Variants in LNPEP observed in about 807,000 individuals in gnomAD.
LNPEP encodes the protein leucyl and cystinyl aminopeptidase.
A neutral mutation model predicts 120.6 loss-of-function variants in LNPEP; 64 were observed. That is an observed-to-expected ratio of 0.53 (90% CI 0.43 to 0.65). The LOEUF is 0.65. LNPEP is among the 30% of genes least tolerant of loss of function. LNPEP has a pLI of 0.00. For missense variants in LNPEP, 1,057 were observed against 1,200.0 expected, an observed-to-expected ratio of 0.88 and a Z score of 1.76; for synonymous variants, 435 against 425.4, an observed-to-expected ratio of 1.02 and a Z score of -0.28.
At chr5:96,945,814 T>G (rs1260033626) in intron 1 of LNPEP, among the ~76,000 whole-genome samples, 3 of 152,208 alleles carry the variant, frequency 2.0e-5, no homozygotes, top group Non-Finnish European at 4.4e-5. Context: ...TAGAATTTTA[T>G]TTTTGGTTTA....
intron 1 of LNPEP, among the ~76,000 whole-genome samples, chr5:96,974,621 T>A (rs997051212): frequency 2.0e-5 from 3 of 152,174 alleles, no homozygotes; most frequent in Non-Finnish European, 2.9e-5. Flanking sequence ...TTTTCCTTGA[T>A]AAACTACTAC....
Position 97,006,453 on chromosome 5 carries a change from A to G in LNPEP, c.1973A>G (p.Tyr658Cys), listed in dbSNP as rs753635045. The change falls in exon 11 of 18, where the codon TAT becomes TGT. Residue 658 changes from tyrosine (Y) to cysteine (C), a missense_variant. Coordinates refer to ENST00000231368, the MANE Select transcript of LNPEP (RefSeq NM_005575.3). ...TACCTGTGGCATATTCCACTATCCT[A>G]TGTCACTGAAGGAAGAAATTATTCA... The part of the protein sequence containing the change: ...TSYLWHIPLS[Y>C]VTEGRNYSKY... 51 of 1,582,850 alleles carry G rather than the reference A, an allele frequency of 3.2e-5. No individual in the cohort carries two copies. Among genetic ancestry groups the G allele is most frequent in the Non-Finnish European group, 4.3e-5 (49 of 1,152,288 alleles).
chr5:96,965,431 T>C (rs1271156278), intron 1 of LNPEP, among the ~76,000 whole-genome samples: 1 of 152,148 alleles, frequency 6.6e-6, no homozygotes, highest in African/African-American at 2.4e-5. Flanking sequence ...TATTAGGTTT[T>C]TCTTGCGCAT....
chr5:97,030,843 T>C lies in LNPEP; in HGVS notation c.*2310T>C, dbSNP rs1791456094. The C allele has an allele frequency of 6.6e-6, 1 of 152,064 alleles. No individual in the cohort carries two copies. The highest frequency in any genetic ancestry group is 2.4e-5 in the African/African-American group (1 of 41,390). 9.4% of individuals were successfully genotyped at this position (152,064 alleles called of 1,614,324 possible). ...TGCCCTTACCTTAATTATTTGTAGT[T>C]TTAGTAGGCCTTGCCTCAGTTTTTC... On this transcript the variant is annotated 3_prime_UTR_variant, in exon 18 of 18. Coordinates refer to ENST00000231368, the MANE Select transcript of LNPEP (RefSeq NM_005575.3).
chr5:96,992,028 GA>G (rs869106045), intron 4 of LNPEP, among the ~76,000 whole-genome samples: 11 of 111,358 alleles, frequency 9.9e-5, no homozygotes, highest in Admixed American at 6.1e-4. Context: ...AAATCAATTA[GA>G]AAAAAATAAA....
At chr5:97,013,956 T>C (rs1012922678) in intron 12 of LNPEP, 125 bp downstream of exon 12, 5 of 614,942 alleles carry the variant, frequency 8.1e-6, no homozygotes, top group Admixed American at 3.2e-5. Flanking sequence ...TTTTGGAGGA[T>C]TGGGAAAATA....
chr5:96,954,772 A>ATATTTTT (rs1275200137), intron 1 of LNPEP, among the ~76,000 whole-genome samples: 6 of 27,106 alleles, frequency 2.2e-4, no homozygotes, highest in African/African-American at 3.0e-4. Context: ...ATATATATAT[A>ATATTTTT]TTTTTTTTTT....
At chr5:96,956,890 CT>C (rs1223617110) in intron 1 of LNPEP, among the ~76,000 whole-genome samples, 3 of 152,006 alleles carry the variant, frequency 2.0e-5, no homozygotes, top group Non-Finnish European at 4.4e-5. Context: ...AGTTCACTGA[CT>C]TTTTTTTCTT....
intron 13 of LNPEP, among the ~76,000 whole-genome samples, chr5:97,019,659 G>A (rs1791144719): frequency 6.6e-6 from 1 of 152,094 alleles, no homozygotes; most frequent in South Asian, 2.1e-4. Flanking sequence ...GACTTCAAGT[G>A]CCATTCTTTC....
At chr5:96,959,933 C>CTTTTTTTTTTTTTTTTTTTTTTT (rs11316262) in intron 1 of LNPEP, among the ~76,000 whole-genome samples, 1 of 113,202 alleles carries the variant, frequency 8.8e-6, no homozygotes, top group Non-Finnish European at 1.8e-5. Context: ...TAAAATTTAT[C>CTTTTTTTTTTTTTTTTTTTTTTT]TTTTTTTTTT....
intron 1 of LNPEP, among the ~76,000 whole-genome samples, chr5:96,968,937 G>A (rs1428677198): frequency 1.3e-5 from 2 of 152,072 alleles, no homozygotes; most frequent in African/African-American, 4.8e-5. Flanking sequence ...AATTTAGTTT[G>A]TTTATATACA....
rs186081444 is a variant in LNPEP at position 97,028,590 on chromosome 5, C to T, written c.*57C>T. 2.3e-4 allele frequency: 364 copies of T among 1,587,738 alleles called. 4 individuals are homozygous for T. In the African/African-American group the frequency reaches 3.7e-3, roughly 16 times the overall value. On this transcript the variant is annotated 3_prime_UTR_variant, in exon 18 of 18. Coordinates refer to ENST00000231368, the MANE Select transcript of LNPEP (RefSeq NM_005575.3). ...TTCAGAGAGCTTGTAAGCTTGGGCT[C>T]TGCCGCTTTTGCAAAAGCCAAGGTA...
intron 1 of LNPEP, among the ~76,000 whole-genome samples, chr5:96,957,611 T>A (rs1339354457): frequency 6.6e-6 from 1 of 152,170 alleles, no homozygotes; most frequent in Non-Finnish European, 1.5e-5. Context: ...CCTGCACTTG[T>A]GGCTTTGATG....
At chr5:96,952,008 A>T (rs1789335550) in intron 1 of LNPEP, among the ~76,000 whole-genome samples, 1 of 151,888 alleles carries the variant, frequency 6.6e-6, no homozygotes, top group African/African-American at 2.4e-5. Flanking sequence ...CACTCTTAAA[A>T]TTTTTTTTAT....
rs116684500 is a variant in LNPEP, at chr5:97,014,518, A to G, written c.2220-421A>G. On this transcript the variant is annotated intron_variant, in intron 12 of 17. Transcript: ENST00000231368. ...ATTCACAATAGACCTTGTCATAACAAGTTTGAAAAACAAATTCCCATTAAA... is the reference window on the plus strand; with the variant it reads ...ATTCACAATAGACCTTGTCATAACAGGTTTGAAAAACAAATTCCCATTAAA... 3.4e-3 allele frequency among the ~76,000 whole-genome samples: 518 copies of G among 151,922 alleles called. 1 individual carries two copies. The highest frequency in any genetic ancestry group is 0.01 in the Middle Eastern group (3 of 294).
intron 1 of LNPEP, among the ~76,000 whole-genome samples, chr5:96,971,270 A>AGGT (rs1789855287): frequency 6.6e-6 from 1 of 151,248 alleles, no homozygotes; most frequent in Non-Finnish European, 1.5e-5. Context: ...CATTGTTTCC[A>AGGT]GGTTCTCTTA....
chr5:96,972,833 G>A (rs1017972259), intron 1 of LNPEP, among the ~76,000 whole-genome samples: 3 of 151,958 alleles, frequency 2.0e-5, no homozygotes, highest in African/African-American at 4.8e-5. Context: ...TGATCTTCTC[G>A]CCTCCCACCC....
At chr5:96,966,139 T>A (rs1269769174) in intron 1 of LNPEP, among the ~76,000 whole-genome samples, 2 of 152,106 alleles carry the variant, frequency 1.3e-5, no homozygotes, top group African/African-American at 4.8e-5. Context: ...GATTTTTTGC[T>A]TATAGGACTA....
At chr5:97,027,649 A>C (rs947754465) in intron 16 of LNPEP, 84 bp from the exon 17 acceptor site, 5 of 851,768 alleles carry the variant, frequency 5.9e-6, no homozygotes, top group Admixed American at 1.9e-5. Flanking sequence ...TGGCTTTGGC[A>C]TTAAAGACTT....
Sources: gnomAD v4.1 joint callset for allele counts (sites outside exome capture counted in the v4.1 genomes callset) on GRCh38, gnomAD v4.1.1 for gene constraint, MANE v1.5 for transcripts, NCBI Gene and HGNC (gene_info 2026-07-23, HGNC 2026-07-21) for gene names.